C21orf91: variants seen among roughly 807,000 people sequenced by gnomAD.
C21orf91 encodes protein EURL homolog.
A neutral mutation model predicts 32.9 loss-of-function variants in C21orf91; 26 were observed. The ratio of observed to expected loss-of-function variants is 0.79; its 90% confidence interval spans 0.58 to 1.10. The LOEUF (loss-of-function observed/expected upper bound fraction) is 1.10, where lower values mean the gene tolerates loss of function less well. Ranked by LOEUF, C21orf91 falls within the 50% of genes least tolerant of loss-of-function variation. C21orf91 has a pLI of 0.00. For missense variants in C21orf91, 310 were observed against 341.3 expected (o/e 0.91, Z 0.72); for synonymous variants, 126 against 120.4 (o/e 1.05, Z -0.31).
intron 2 of C21orf91, among the ~76,000 whole-genome samples, chr21:17,803,955 C>A (rs1189405032): frequency 1.3e-5 from 2 of 152,160 alleles, no homozygotes; most frequent in Non-Finnish European, 2.9e-5. Flanking sequence ...GAACTGGCTG[C>A]TGAACTGGGT....
chr21:17,791,074 GAACTC>G lies in C21orf91; in HGVS notation c.*2336_*2340del, dbSNP rs79734932. On this transcript the variant is annotated 3_prime_UTR_variant, in exon 5 of 5. Transcript: ENST00000284881. ...TGTGATATTTCATGTTCTCTTGTTA[GAACTC>G]AACTCTGTACCTGATACTTATATTT... is the stretch of plus-strand genomic sequence containing the variant. 0.27 allele frequency: 40,728 copies of G among 151,696 alleles called. 6,427 individuals carry two copies. The highest frequency in any genetic ancestry group is 0.34 in the Non-Finnish European group (23,232 of 67,692). 9.4% of individuals were successfully genotyped at this position (151,696 alleles called of 1,614,324 possible).
chr21:17,791,245 T>C lies in C21orf91; in HGVS notation c.*2170A>G, dbSNP rs976123974. 2.0e-5 allele frequency: 3 copies of C among 152,120 alleles called. No homozygotes were observed. The highest frequency in any genetic ancestry group is 4.4e-5 in the Non-Finnish European group (3 of 67,946). 9.4% of individuals were successfully genotyped at this position (152,120 alleles called of 1,614,324 possible). A position where few individuals can be genotyped will look rare whatever the true frequency, so the allele number is the denominator to read the frequency against. Reference sequence around the variant, plus strand: ...CTAGGAACTCATCCAAATAAAGTAGTGTGAGTACCAGCACCACAAAGTTTT... The same window carrying C: ...CTAGGAACTCATCCAAATAAAGTAGCGTGAGTACCAGCACCACAAAGTTTT... On this transcript the variant is annotated 3_prime_UTR_variant, in exon 5 of 5. Coordinates refer to ENST00000284881, the MANE Select transcript of C21orf91 (RefSeq NM_001100420.2).
chr21:17,790,728 A>G lies in C21orf91; in HGVS notation c.*2687T>C, dbSNP rs1379991744. 6.6e-6 allele frequency: 1 copy of G among 152,160 alleles called. No individual in the cohort carries two copies. Among genetic ancestry groups the G allele is most frequent in the Non-Finnish European group, 1.5e-5 (1 of 67,954 alleles). 9.4% of individuals were successfully genotyped at this position (152,160 alleles called of 1,614,324 possible). ...TAGATATTAATATGAGGATCAAAGGATAAGATGATAATCTCAAAGTAAAAC... is the reference window on the plus strand; with the variant it reads ...TAGATATTAATATGAGGATCAAAGGGTAAGATGATAATCTCAAAGTAAAAC... On this transcript the variant is annotated 3_prime_UTR_variant, in exon 5 of 5. Coordinates refer to ENST00000284881, the MANE Select transcript of C21orf91 (RefSeq NM_001100420.2).
Position 17,793,332 on chromosome 21 carries a change from C to T in C21orf91, c.*83G>A, listed in dbSNP as rs1251547506. ...ATTTAATGACCATAAAAAAACGGAC[C>T]ACAACTTTCTTCAAACTTCTTCAAA... On this transcript the variant is annotated 3_prime_UTR_variant, in exon 5 of 5. Coordinates refer to ENST00000284881, the MANE Select transcript of C21orf91 (RefSeq NM_001100420.2). 1 of 1,110,672 alleles carries T rather than the reference C, an allele frequency of 9.0e-7. No individual in the cohort carries two copies. The highest frequency in any genetic ancestry group is 1.2e-6 in the Non-Finnish European group (1 of 807,922). The allele number at this position is 1,110,672 out of a possible 1,614,324, so 68.8% of individuals were successfully genotyped here.
rs766904330 is a variant in C21orf91 at position 17,791,044 on chromosome 21, A to G, written c.*2371T>C. 8.0e-5 allele frequency: 12 copies of G among 150,174 alleles called. No homozygotes were observed. In the South Asian group the frequency reaches 1.5e-3, roughly 19 times the overall value. 9.3% of individuals were successfully genotyped at this position (150,174 alleles called of 1,614,324 possible). On this transcript the variant is annotated 3_prime_UTR_variant, in exon 5 of 5. Coordinates refer to ENST00000284881, the MANE Select transcript of C21orf91 (RefSeq NM_001100420.2). The stretch of plus-strand genomic sequence containing the variant: ...AGAGAATAGCCAAGTGTGGAAAACA[A>G]TATTTGTGATATTTCATGTTCTCTT...
At chr21:17,795,736 G>A (rs377134161) in intron 3 of C21orf91, among the ~76,000 whole-genome samples, 22 of 152,184 alleles carry the variant, frequency 1.4e-4, no homozygotes, top group African/African-American at 5.3e-4. Flanking sequence ...GCCTCCCAAA[G>A]TGCTGGGATT....
In C21orf91 at chr21:17,818,240, T is replaced by C. The variant is rs1434704004; in HGVS notation, c.79A>G (p.Lys27Glu). Residue 27 changes from lysine (K) to glutamate (E), a missense_variant, in exon 2 of 5, where the codon AAA becomes GAA. By Grantham distance (56) the Lys-to-Glu change is moderately conservative. Transcript: ENST00000284881. ...ICSVCKLGTD[K>E]ETLSFCHICF... The stretch of plus-strand genomic sequence containing the variant: ...ATGTGGCAGAAGGAGAGTGTTTCTT[T>C]GTCTGTTCCCAGTTTACAAACACTG... 11 of 1,610,658 alleles carry C rather than the reference T, an allele frequency of 6.8e-6. No homozygotes were observed. Among genetic ancestry groups the C allele is most frequent in the South Asian group, 3.3e-5 (3 of 91,020 alleles).
Position 17,797,078 on chromosome 21 carries a change from C to T in C21orf91, c.168G>A (p.Arg56=). The T allele has an allele frequency of 1.9e-6, 3 of 1,608,630 alleles. No individual in the cohort carries two copies. The highest frequency in any genetic ancestry group is 1.3e-5 in the African/African-American group (1 of 74,632). The change falls in exon 3 of 5, where the codon AGG becomes AGA. Residue 56 remains arginine, a synonymous_variant. Transcript: ENST00000284881. ...ATTTTTCAAAGCAGTCTTTATGGCC[C>T]CTTAATGATTTGGTGTGCAAGAGAT... ...KSDLLHTKSL[R]GHKDCFEKYH...
At position 17,816,357 on chromosome 21, in the gene C21orf91, C is replaced by T. The variant is rs540463798; in HGVS notation, c.127+1835G>A. Among the ~76,000 whole-genome samples, 8 of 152,198 alleles carry T rather than the reference C, an allele frequency of 5.3e-5. No individual in the cohort carries two copies. The East Asian group carries it at 9.6e-4, about 18-fold the overall frequency. On this transcript the variant is annotated intron_variant, in intron 2 of 4. Coordinates refer to ENST00000284881, the MANE Select transcript of C21orf91 (RefSeq NM_001100420.2). Reference sequence around the variant, plus strand: ...TTTTAAAAAGCTAGAAAAGCAATTACGAAAATTTAGGGTTCTGTGGAAAAA... The same window carrying T: ...TTTTAAAAAGCTAGAAAAGCAATTATGAAAATTTAGGGTTCTGTGGAAAAA...
chr21:17,801,438 G>T (rs1443485356), intron 2 of C21orf91, among the ~76,000 whole-genome samples: 3 of 151,840 alleles, frequency 2.0e-5, no homozygotes, highest in East Asian at 1.9e-4. Flanking sequence ...GCCTGGCTAA[G>T]TTTTTGTATT....
In C21orf91 at chr21:17,793,280, TG is replaced by T. The variant is rs748328202; in HGVS notation, c.*134del. ...AATGATCTGCTTTATTTGACAAAGA[TG>T]TTAAATACTGCCTTATGTTTGGCAA... On this transcript the variant is annotated 3_prime_UTR_variant, in exon 5 of 5. Transcript: ENST00000284881. 58 of 550,382 alleles carry T rather than the reference TG, an allele frequency of 1.1e-4. No homozygotes were observed. Among genetic ancestry groups the T allele is most frequent in the Non-Finnish European group, 1.7e-4 (53 of 313,992 alleles). 34.1% of individuals were successfully genotyped at this position (550,382 alleles called of 1,614,324 possible).
intron 2 of C21orf91, among the ~76,000 whole-genome samples, chr21:17,799,468 T>C (rs1038932006): frequency 6.6e-6 from 1 of 152,152 alleles, no homozygotes; most frequent in African/African-American, 2.4e-5. Flanking sequence ...CTGGGTGTCC[T>C]CCTTGAAAGC....
chr21:17,803,233 T>C (rs1463647562), intron 2 of C21orf91, among the ~76,000 whole-genome samples: 1 of 152,220 alleles, frequency 6.6e-6, no homozygotes, highest in African/African-American at 2.4e-5. Flanking sequence ...CTTCAAAATA[T>C]TTTTTGGCCA....
intron 2 of C21orf91, among the ~76,000 whole-genome samples, chr21:17,806,005 GTTAC>G (rs1416617453): frequency 2.6e-5 from 4 of 152,150 alleles, no homozygotes; most frequent in East Asian, 1.9e-4. Context: ...GTAAAAAGAT[GTTAC>G]TTAAACAAAA....
rs755051627 is a variant in C21orf91 at position 17,797,112 on chromosome 21, G to A, written c.134C>T (p.Pro45Leu). Residue 45 changes from proline (P) to leucine (L), a missense_variant, in exon 3 of 5, where the codon CCA becomes CTA. Coordinates refer to ENST00000284881, the MANE Select transcript of C21orf91 (RefSeq NM_001100420.2). Reference sequence around the variant, plus strand: ...TTTGGTGTGCAAGAGATCAGACTTTGGTACCCCTATGGAAAAAAAAGAGAA... The same window carrying A: ...TTTGGTGTGCAAGAGATCAGACTTTAGTACCCCTATGGAAAAAAAAGAGAA... ...ICFELNIEGV[P>L]KSDLLHTKSL... 1 of 1,566,986 alleles carries A rather than the reference G, an allele frequency of 6.4e-7. No individual in the cohort carries two copies. Among genetic ancestry groups the A allele is most frequent in the South Asian group, 1.2e-5 (1 of 84,498 alleles).
intron 3 of C21orf91, 59 bp downstream of exon 3, chr21:17,796,523 T>C (rs1886547444): frequency 7.6e-7 from 1 of 1,318,776 alleles, no homozygotes. Flanking sequence ...TACACATCTA[T>C]ACAAATGTAC....
At chr21:17,810,308 C>T (rs919456028) in intron 2 of C21orf91, among the ~76,000 whole-genome samples, 7 of 152,030 alleles carry the variant, frequency 4.6e-5, no homozygotes, top group African/African-American at 7.2e-5. Context: ...AATTTATATT[C>T]GGTAATAAAC....
chr21:17,804,273 G>A (rs2062581208), intron 2 of C21orf91, among the ~76,000 whole-genome samples: 1 of 152,216 alleles, frequency 6.6e-6, no homozygotes, highest in African/African-American at 2.4e-5. Flanking sequence ...TGTGACCAAG[G>A]CAGAAGATTA....
chr21:17,801,167 T>C (rs944108595), intron 2 of C21orf91, among the ~76,000 whole-genome samples: 3 of 151,798 alleles, frequency 2.0e-5, no homozygotes, highest in Admixed American at 6.6e-5. Context: ...CCATGAAAGA[T>C]AGATTGGATA....
Sources: gnomAD v4.1 joint callset for allele counts (sites outside exome capture counted in the v4.1 genomes callset) on GRCh38, gnomAD v4.1.1 for gene constraint, MANE v1.5 for transcripts, NCBI Gene and HGNC (gene_info 2026-07-23, HGNC 2026-07-21) for gene names.